Variants in TNFRSF19 observed in about 807,000 individuals in gnomAD.
TNFRSF19 encodes the protein tumor necrosis factor receptor superfamily member 19.
A neutral mutation model predicts 46.4 loss-of-function variants in TNFRSF19; 27 were observed. The ratio of observed to expected loss-of-function variants is 0.58; its 90% CI spans 0.43 to 0.80. The LOEUF (loss-of-function observed/expected upper bound fraction) is 0.80. TNFRSF19 is among the 30% of genes least tolerant of loss of function. TNFRSF19 has a pLI of 0.00. For synonymous variants in TNFRSF19, 204 were observed against 205.0 expected (o/e 1.00, Z 0.04); for missense variants, 511 against 530.8 (o/e 0.96, Z 0.37).
At chr13:23,582,149 GGCGGGCGGATCA>G (rs1878482605) in intron 1 of TNFRSF19, among the ~76,000 whole-genome samples, 1 of 151,184 alleles carries the variant, frequency 6.6e-6, no homozygotes, top group African/African-American at 2.4e-5. Context: ...GGGAGGCCGA[GGCGGGCGGATCA>G]GGTGGTCAGG....
chr13:23,610,844 A>G (rs1880852815), intron 3 of TNFRSF19, among the ~76,000 whole-genome samples: 1 of 149,116 alleles, frequency 6.7e-6, no homozygotes, highest in Admixed American at 6.6e-5. Flanking sequence ...ATCTATGCAT[A>G]TATTTTCCCA....
chr13:23,635,951 A>G (rs1174731059), intron 5 of TNFRSF19, among the ~76,000 whole-genome samples: 1 of 152,194 alleles, frequency 6.6e-6, no homozygotes, highest in African/African-American at 2.4e-5. Flanking sequence ...AACTTATGTA[A>G]TCATTTCCCC....
At chr13:23,614,606 G>C (rs1226907338) in intron 3 of TNFRSF19, among the ~76,000 whole-genome samples, 1 of 152,102 alleles carries the variant, frequency 6.6e-6, no homozygotes, top group Non-Finnish European at 1.5e-5. Flanking sequence ...CCTGCTGCCT[G>C]CATGGGTGCC....
At chr13:23,626,488 T>A (rs1323537276) in intron 4 of TNFRSF19, among the ~76,000 whole-genome samples, 1 of 151,770 alleles carries the variant, frequency 6.6e-6, no homozygotes, top group Non-Finnish European at 1.5e-5. Context: ...ATAGAAGAAG[T>A]GCACTGAGAA....
rs758209392 is a variant in TNFRSF19 at position 23,593,309 on chromosome 13, C to T, written c.70-36C>T. On this transcript the variant is annotated intron_variant, in intron 2 of 9. Coordinates refer to ENST00000248484, the MANE Select transcript of TNFRSF19 (RefSeq NM_148957.4). ...CTTGCAAAAAAAAATGTTTAACATA[C>T]TTTAAGATAACATTTTGTTAAATTT... is the stretch of plus-strand genomic sequence containing the variant. The T allele has an allele frequency of 1.8e-5, 24 of 1,342,944 alleles. 2 individuals carry two copies. In the South Asian group the frequency reaches 2.6e-4, roughly 15 times the overall value. The allele number at this position is 1,342,944 out of a possible 1,614,324, so 83.2% of individuals were successfully genotyped here. A position where few individuals can be genotyped will look rare whatever the true frequency, so the allele number is the denominator to read the frequency against.
rs981743464 is a variant in TNFRSF19, at chr13:23,659,471, A to G, written c.610+257A>G. ...TTGACGGGAAGCCTTACTGATAAAC[A>G]GTTGGTTAATACATCTTGTTTATTA... is the stretch of plus-strand genomic sequence containing the variant. On this transcript the variant is annotated intron_variant, in intron 6 of 9. Coordinates refer to ENST00000248484, the MANE Select transcript of TNFRSF19 (RefSeq NM_148957.4). The surrounding 1 kb of genome is among the most constrained non-coding windows in gnomAD (Gnocchi z 4.9). Among the ~76,000 whole-genome samples the G allele has an allele frequency of 1.3e-5, 2 of 152,084 alleles. No homozygotes were observed. Among genetic ancestry groups the G allele is most frequent in the South Asian group, 2.1e-4 (1 of 4,818 alleles).
chr13:23,590,054 C>A, intron 1 of TNFRSF19, 96 bp from the exon 2 acceptor site: 1 of 481,458 alleles, frequency 2.1e-6, no homozygotes, highest in Non-Finnish European at 3.7e-6. Context: ...ATATTTATTA[C>A]CTAGTCTATA....
intron 1 of TNFRSF19, among the ~76,000 whole-genome samples, chr13:23,572,527 A>C (rs1053557762): frequency 6.6e-6 from 1 of 152,202 alleles, no homozygotes; most frequent in Non-Finnish European, 1.5e-5. Context: ...TTATCCTGCT[A>C]CTAGGATCAT....
chr13:23,590,489 C>T (rs550746468), intron 2 of TNFRSF19, among the ~76,000 whole-genome samples: 5 of 152,288 alleles, frequency 3.3e-5, no homozygotes, highest in South Asian at 2.1e-4. Context: ...CACCCACCAC[C>T]ACTCCCAGCT....
chr13:23,660,342 C>G (rs1276455349), intron 6 of TNFRSF19, 23 bp from the exon 7 acceptor site: 2 of 1,606,804 alleles, frequency 1.2e-6, no homozygotes, highest in South Asian at 1.1e-5. Context: ...TGTTCCCTGA[C>G]AGAGTTCTCA....
intron 5 of TNFRSF19, among the ~76,000 whole-genome samples, chr13:23,640,294 A>G (rs1329891089): frequency 6.6e-6 from 1 of 152,222 alleles, no homozygotes; most frequent in Non-Finnish European, 1.5e-5. Flanking sequence ...AATTTTAGTA[A>G]CCAAACAGGA....
chr13:23,622,544 G>T (rs549368595), intron 4 of TNFRSF19, among the ~76,000 whole-genome samples: 1 of 151,970 alleles, frequency 6.6e-6, no homozygotes, highest in Non-Finnish European at 1.5e-5. Flanking sequence ...TATTCTCTTC[G>T]ATTGTCAGGG....
intron 5 of TNFRSF19, among the ~76,000 whole-genome samples, chr13:23,657,756 C>T (rs1202879086): frequency 6.6e-6 from 1 of 152,018 alleles, no homozygotes; most frequent in Non-Finnish European, 1.5e-5. Context: ...CGCAGTGGTG[C>T]GATCACAGCT....
chr13:23,667,114 CAG>C (rs1318560588), intron 7 of TNFRSF19, among the ~76,000 whole-genome samples: 1 of 101,324 alleles, frequency 9.9e-6, no homozygotes, highest in Non-Finnish European at 2.0e-5. Context: ...TTCTATAAAT[CAG>C]AGTGATATAT....
chr13:23,648,573 T>C (rs1488396641), intron 5 of TNFRSF19, among the ~76,000 whole-genome samples: 1 of 152,192 alleles, frequency 6.6e-6, no homozygotes, highest in East Asian at 1.9e-4. Flanking sequence ...TGGATGCTTT[T>C]ATTTCTTTTT....
chr13:23,572,939 T>C (rs1877721987), intron 1 of TNFRSF19, among the ~76,000 whole-genome samples: 1 of 152,224 alleles, frequency 6.6e-6, no homozygotes, highest in Non-Finnish European at 1.5e-5. Flanking sequence ...AAGACTTTTA[T>C]GTTGAGTCCT....
At chr13:23,667,188 AGT>A (rs1206264608) in intron 7 of TNFRSF19, among the ~76,000 whole-genome samples, 1 of 151,424 alleles carries the variant, frequency 6.6e-6, no homozygotes, top group Non-Finnish European at 1.5e-5. Flanking sequence ...CAAAAAGCTG[AGT>A]GTTTATTTTC....
intron 1 of TNFRSF19, among the ~76,000 whole-genome samples, chr13:23,581,602 C>T (rs542704462): frequency 6.6e-5 from 10 of 151,938 alleles, no homozygotes; most frequent in Non-Finnish European, 1.0e-4. Context: ...AAATGGATTG[C>T]GACATGTAAT....
At chr13:23,669,157 T>C (rs758337724) in intron 9 of TNFRSF19, 60 bp downstream of exon 9, 2 of 1,539,944 alleles carry the variant, frequency 1.3e-6, no homozygotes, top group Admixed American at 4.2e-5. Context: ...ATCAGAACTC[T>C]GTTCCCAGCA....
Sources: gnomAD v4.1 joint callset for allele counts (sites outside exome capture counted in the v4.1 genomes callset) on GRCh38, gnomAD v4.1.1 for gene constraint, Gnocchi (gnomAD v3.1) non-coding constraint, MANE v1.5 for transcripts, NCBI Gene and HGNC (gene_info 2026-07-23, HGNC 2026-07-21) for gene names.